ANKRD26: variants seen among roughly 807,000 people sequenced by gnomAD.
ANKRD26 encodes the protein ankyrin repeat domain-containing protein 26.
Under a neutral mutation model 208.7 loss-of-function variants are expected in ANKRD26, and 141 were observed. That is an observed-to-expected ratio of 0.68 (90% CI 0.59 to 0.78). ANKRD26 has a LOEUF of 0.78. Ranked by LOEUF, ANKRD26 falls within the 30% of genes least tolerant of loss-of-function variation. The pLI is 0.00. For synonymous variants in ANKRD26, 636 were observed against 660.4 expected (o/e 0.96, Z 0.57); for missense variants, 1,889 against 1,938.7 (o/e 0.97, Z 0.48).
chr10:27,032,823 A>C (rs989390664), intron 25 of ANKRD26, among the ~76,000 whole-genome samples: 3 of 151,656 alleles, frequency 2.0e-5, no homozygotes, highest in Admixed American at 6.6e-5. Context: ...TCAAAAAAAA[A>C]ACAAATAAAT....
Position 27,100,132 on chromosome 10 carries a change from G to C in ANKRD26, c.195C>G (p.Ile65Met). 1.2e-6 allele frequency: 2 copies of C among 1,614,148 alleles called. No homozygotes were observed. The highest frequency in any genetic ancestry group is 1.7e-6 in the Non-Finnish European group (2 of 1,179,996). The change falls in exon 1 of 34, where the codon ATC becomes ATG. Residue 65 changes from isoleucine to methionine, a missense_variant. By Grantham distance (10) the Ile-to-Met change is conservative (BLOSUM62 1). Transcript: ENST00000376087. ...TCAAGCCATTCTTCCTGAGCAAAAG[G>C]ATCTGCTGCACTTTCGCCACATTAC... ...SAGNVAKVQQ[I>M]LLLRKNGLND...
At chr10:26,997,807 G>A (rs1351732672) in intron 4 of ANKRD26, among the ~76,000 whole-genome samples, 1 of 152,154 alleles carries the variant, frequency 6.6e-6, no homozygotes, top group Non-Finnish European at 1.5e-5. Flanking sequence ...TTTGCTTGAT[G>A]CACTGCTTCC....
intron 6 of ANKRD26, 53 bp downstream of exon 6, chr10:27,082,750 T>G: frequency 1.3e-6 from 2 of 1,536,388 alleles, no homozygotes; most frequent in Middle Eastern, 2.0e-4. Flanking sequence ...ACTCAACAGT[T>G]TCTTTTCTCT....
chr10:27,011,240 C>T (rs1243580840), intron 32 of ANKRD26, among the ~76,000 whole-genome samples: 1 of 152,048 alleles, frequency 6.6e-6, no homozygotes, highest in Non-Finnish European at 1.5e-5. Context: ...TATTTTTGTT[C>T]AAACAAATGT....
At chr10:26,949,732 T>G in the ANKRD26 span, among the ~76,000 whole-genome samples, 2 of 152,156 alleles carry the variant, frequency 1.3e-5, no homozygotes, top group South Asian at 4.1e-4. Flanking sequence ...CTTGAACTCC[T>G]GACCTCGTGA....
intron 11 of ANKRD26, among the ~76,000 whole-genome samples, chr10:27,065,743 A>AC (rs1401206449): frequency 6.7e-6 from 1 of 150,054 alleles, no homozygotes; most frequent in Non-Finnish European, 1.5e-5. Context: ...AAAAAAAAAA[A>AC]ACAAAAAAAA....
intron 32 of ANKRD26, among the ~76,000 whole-genome samples, chr10:27,009,706 T>C (rs1472059642): frequency 6.6e-6 from 1 of 152,136 alleles, no homozygotes; most frequent in Non-Finnish European, 1.5e-5. Context: ...ATTTAATGCA[T>C]AATACAAAAT....
At chr10:27,049,304 C>T (rs2135349655) in intron 16 of ANKRD26, among the ~76,000 whole-genome samples, 1 of 152,254 alleles carries the variant, frequency 6.6e-6, no homozygotes, top group East Asian at 1.9e-4. Context: ...AATTTTCACC[C>T]CATTTTACTG....
intron 15 of ANKRD26, among the ~76,000 whole-genome samples, chr10:27,055,152 G>A (rs2054797313): frequency 1.3e-5 from 2 of 152,122 alleles, no homozygotes; most frequent in African/African-American, 4.8e-5. Flanking sequence ...TGGGTCCCTG[G>A]AGAGCTAGAC....
intron 30 of ANKRD26, among the ~76,000 whole-genome samples, chr10:27,016,186 C>T (rs2053284791): frequency 6.6e-6 from 1 of 151,960 alleles, no homozygotes; most frequent in South Asian, 2.1e-4. Context: ...GATGGGGTCT[C>T]ACTTTGTTGC....
chr10:27,049,137 T>C (rs936293784), intron 16 of ANKRD26, among the ~76,000 whole-genome samples, 158 bp from the exon 17 acceptor site: 1 of 152,208 alleles, frequency 6.6e-6, no homozygotes, highest in Non-Finnish European at 1.5e-5. Flanking sequence ...GTATACATAA[T>C]TGTTATATAA....
intron 15 of ANKRD26, among the ~76,000 whole-genome samples, chr10:27,053,809 A>G (rs2054747440): frequency 6.6e-6 from 1 of 152,224 alleles, no homozygotes; most frequent in African/African-American, 2.4e-5. Context: ...GTCAGAAACA[A>G]AACAAAATTT....
Position 27,051,066 on chromosome 10 carries a change from TGAAG to T in ANKRD26, c.1636-2091_1636-2088del. On this transcript the variant is annotated intron_variant, in intron 16 of 33. Transcript: ENST00000376087. Reference sequence around the variant, plus strand: ...CAGCAAGCAAACCTCTACCTCTTTTTGAAGTTGGACTTTTTCTTTCTCCAAAGCC... The same window carrying T: ...CAGCAAGCAAACCTCTACCTCTTTTTTTGGACTTTTTCTTTCTCCAAAGCC... 4.0e-6 allele frequency: 5 copies of T among 1,244,660 alleles called. No homozygotes were observed. In the Admixed American group the frequency reaches 8.7e-5, roughly 22 times the overall value. The allele number at this position is 1,244,660 out of a possible 1,614,324, so 77.1% of individuals were successfully genotyped here.
intron 6 of ANKRD26, among the ~76,000 whole-genome samples, chr10:27,081,911 T>C (rs947078696): frequency 1.3e-5 from 2 of 152,038 alleles, no homozygotes; most frequent in Non-Finnish European, 2.9e-5. Flanking sequence ...TAATTCTTTG[T>C]ATTTTTAGTA....
At chr10:26,970,305 A>C (rs79280088), downstream of ANKRD26, among the ~76,000 whole-genome samples, 10,661 of 152,086 alleles carry the variant, frequency 0.07, 658 homozygotes, top group African/African-American at 0.16. Context: ...ATGGGGGTGG[A>C]ATTCTCATGA....
chr10:27,043,609 T>C (rs1452742364), intron 19 of ANKRD26, 42 bp from the exon 20 acceptor site: 1 of 1,572,884 alleles, frequency 6.4e-7, no homozygotes, highest in Non-Finnish European at 8.7e-7. Context: ...CCCCAGAATA[T>C]TTATAGCACA....
chr10:26,980,435 G>A (rs1046546854), intron 5 of ANKRD26, among the ~76,000 whole-genome samples: 2 of 152,212 alleles, frequency 1.3e-5, no homozygotes, highest in Admixed American at 1.3e-4. Flanking sequence ...GGGTCTGAAT[G>A]ACACGGGCCA....
At chr10:27,017,457 C>T (rs1449893709) in intron 30 of ANKRD26, 45 bp downstream of exon 30, 1 of 1,598,506 alleles carries the variant, frequency 6.3e-7, no homozygotes, top group Admixed American at 1.7e-5. Flanking sequence ...ATCCAAAATA[C>T]AATTTGCAGT....
intron 3 of ANKRD26, among the ~76,000 whole-genome samples, chr10:26,986,128 A>T (rs1469984632): frequency 1.3e-5 from 2 of 152,240 alleles, no homozygotes; most frequent in Admixed American, 6.5e-5. Context: ...AATGCCATAT[A>T]TCTACAACTA....
Sources: allele counts gnomAD v4.1 joint callset (sites outside exome capture counted in the v4.1 genomes callset), GRCh38; gene constraint gnomAD v4.1.1; transcripts MANE v1.5; gene names NCBI Gene and HGNC (gene_info 2026-07-23, HGNC 2026-07-21).